ATP9A: variants seen among roughly 807,000 people sequenced by gnomAD.
ATP9A encodes the protein probable phospholipid-transporting ATPase IIA.
Under a neutral mutation model 144.1 loss-of-function variants are expected in ATP9A, and 52 were observed. The ratio of observed to expected loss-of-function variants is 0.36; its 90% confidence interval spans 0.29 to 0.45. ATP9A has a LOEUF of 0.45. ATP9A is among the 20% of genes least tolerant of loss of function. The probability of loss-of-function intolerance (pLI) is 1.00; values close to 1 mark genes in which losing one functional copy is unlikely to be tolerated. For missense variants in ATP9A, 947 were observed against 1,392.7 expected (o/e 0.68, Z 5.09); for synonymous variants, 582 against 557.4 (o/e 1.04, Z -0.62).
chr20:51,730,587 T>C (rs1021916826), intron 1 of ATP9A, among the ~76,000 whole-genome samples: 2 of 152,242 alleles, frequency 1.3e-5, no homozygotes, highest in Non-Finnish European at 1.5e-5. Flanking sequence ...ATTTCGGCAC[T>C]GTGGGAACAT....
At chr20:51,640,981 T>C (rs1264946647) in intron 14 of ATP9A, among the ~76,000 whole-genome samples, 1 of 151,944 alleles carries the variant, frequency 6.6e-6, no homozygotes, top group Non-Finnish European at 1.5e-5. Context: ...TCCCAGCACT[T>C]GGGGAGGTTG....
At chr20:51,741,163 T>C (rs180837669) in intron 1 of ATP9A, among the ~76,000 whole-genome samples, 16 of 152,200 alleles carry the variant, frequency 1.1e-4, no homozygotes, top group African/African-American at 3.9e-4. Flanking sequence ...ACACAGAACA[T>C]TCCATCATGG....
chr20:51,620,821 G>T (rs567863115), intron 19 of ATP9A, among the ~76,000 whole-genome samples: 1 of 152,154 alleles, frequency 6.6e-6, no homozygotes, highest in South Asian at 2.1e-4. Context: ...TTCAGCCTCA[G>T]GTGGGAATGT....
chr20:51,627,731 A>G (rs772248972), intron 16 of ATP9A, 48 bp from the exon 17 acceptor site: 2 of 1,499,178 alleles, frequency 1.3e-6, no homozygotes, highest in African/African-American at 2.8e-5. Context: ...AGAGCTCCTG[A>G]CCTCACTGGG....
Position 51,672,844 on chromosome 20 carries a change from C to T in ATP9A, c.1037+1309G>A, listed in dbSNP as rs145426266. 1.3e-3 allele frequency among the ~76,000 whole-genome samples: 192 copies of T among 151,500 alleles called. 2 individuals are homozygous for T. The East Asian group carries it at 0.03, about 23-fold the overall frequency. ...CAGCTCTAAAAAATGATGGGACACA[C>T]ATACAAGTGATGTGAAAAGTTATTC... On this transcript the variant is annotated intron_variant, in intron 11 of 27. Transcript: ENST00000338821.
chr20:51,635,752 A>AG (rs1419285703), intron 15 of ATP9A, among the ~76,000 whole-genome samples: 3 of 140,566 alleles, frequency 2.1e-5, no homozygotes, highest in African/African-American at 7.8e-5. Flanking sequence ...GAAGGAAGGA[A>AG]AAAGAGAAGA....
At chr20:51,706,828 A>AT (rs745757251) in intron 4 of ATP9A, among the ~76,000 whole-genome samples, 29 of 152,254 alleles carry the variant, frequency 1.9e-4, no homozygotes, top group Middle Eastern at 6.8e-3. Context: ...GCCTTTCTTC[A>AT]TTTTTTCTCC....
chr20:51,601,383 G>C lies in ATP9A; in HGVS notation c.3008-36C>G, dbSNP rs763374320. ...AGGGGAAGACGGCAGTGAGCAGGCAGGAATATTCCGGAAGGTGCATGGGGT... is the reference window on the plus strand; with the variant it reads ...AGGGGAAGACGGCAGTGAGCAGGCACGAATATTCCGGAAGGTGCATGGGGT... On this transcript the variant is annotated intron_variant, in intron 27 of 27. Coordinates refer to ENST00000338821, the MANE Select transcript of ATP9A (RefSeq NM_006045.3). The C allele has an allele frequency of 2.6e-6, 4 of 1,567,528 alleles. No homozygotes were observed. The South Asian group carries it at 4.9e-5, about 19-fold the overall frequency.
chr20:51,612,987 T>C (rs1055105320), intron 23 of ATP9A, among the ~76,000 whole-genome samples: 2 of 152,088 alleles, frequency 1.3e-5, no homozygotes, highest in African/African-American at 4.8e-5. Context: ...ATCAAGAAGG[T>C]ACTCAGATTG....
intron 1 of ATP9A, among the ~76,000 whole-genome samples, chr20:51,745,532 G>C (rs1225014485): frequency 6.6e-6 from 1 of 152,168 alleles, no homozygotes; most frequent in Admixed American, 6.5e-5. Context: ...ATTTGGCAAT[G>C]TCTAGGGATG....
At chr20:51,698,244 C>T (rs2077578730) in intron 4 of ATP9A, among the ~76,000 whole-genome samples, 2 of 152,176 alleles carry the variant, frequency 1.3e-5, no homozygotes, top group African/African-American at 4.8e-5. Flanking sequence ...CATGACTGGG[C>T]CAGGCACAGT....
Position 51,625,293 on chromosome 20 carries a change from G to C in ATP9A, c.1915C>G (p.Leu639Val), listed in dbSNP as rs567270008. The C allele has an allele frequency of 3.5e-5, 57 of 1,614,218 alleles. 1 individual carries two copies. In the South Asian group the frequency reaches 6.0e-4, roughly 17 times the overall value. Residue 639 changes from leucine to valine, a missense_variant, in exon 18 of 28, where the codon CTG becomes GTG. Physicochemically the swap from Leu to Val is conservative, Grantham distance 32. Around this residue, in one of 2 missense-constraint regions of ATP9A, gnomAD observed 770 missense variants for 1,047.9 expected, o/e 0.73. Transcript: ENST00000338821. ...CACAGCAGTTCCATCTCCATCTCCA[G>C]GCTCTCGATCACCGTGGCCACTTTG... ...SLKVATVIES[L>V]EMEMELLCLT... is the part of the protein sequence containing the mutation.
chr20:51,747,535 AATTT>A (rs905728738), intron 1 of ATP9A, among the ~76,000 whole-genome samples: 6 of 152,164 alleles, frequency 3.9e-5, no homozygotes, highest in Non-Finnish European at 7.4e-5. Flanking sequence ...AGAAACATGT[AATTT>A]ATTATTTTGT....
intron 15 of ATP9A, among the ~76,000 whole-genome samples, chr20:51,631,378 A>G (rs1257334798): frequency 6.6e-6 from 1 of 152,162 alleles, no homozygotes; most frequent in Non-Finnish European, 1.5e-5. Context: ...GGGTCTGCAC[A>G]TTAAAGAATC....
At chr20:51,765,905 C>G (rs916206653) in intron 1 of ATP9A, among the ~76,000 whole-genome samples, 14 of 151,788 alleles carry the variant, frequency 9.2e-5, no homozygotes, top group African/African-American at 3.4e-4. Context: ...TGCAGTGGGC[C>G]AAGACCAAGG....
At position 51,619,123 on chromosome 20, in the gene ATP9A, A is replaced by T. The variant is rs191227083; in HGVS notation, c.2116-80T>A. 4.6e-4 allele frequency: 596 copies of T among 1,296,320 alleles called. 3 individuals carry two copies. In the African/African-American group the frequency reaches 7.4e-3, roughly 16 times the overall value. The allele number at this position is 1,296,320 out of a possible 1,614,324, so 80.3% of individuals were successfully genotyped here. A position where few individuals can be genotyped will look rare whatever the true frequency, so the allele number is the denominator to read the frequency against. ...AACAAACAGTGGCTTCCAGGAGCCCACATGAAGACAACGGCCACCCCAGCC... is the reference window on the plus strand; with the variant it reads ...AACAAACAGTGGCTTCCAGGAGCCCTCATGAAGACAACGGCCACCCCAGCC... On this transcript the variant is annotated intron_variant, in intron 19 of 27. Transcript: ENST00000338821.
At chr20:51,694,887 G>C (rs754571517) in intron 6 of ATP9A, among the ~76,000 whole-genome samples, 1 of 152,118 alleles carries the variant, frequency 6.6e-6, no homozygotes, top group Non-Finnish European at 1.5e-5. Context: ...AAGAAAAAAA[G>C]AGCATGTCAG....
At chr20:51,667,499 G>A (rs767773336) in intron 13 of ATP9A, among the ~76,000 whole-genome samples, 28 of 152,196 alleles carry the variant, frequency 1.8e-4, no homozygotes, top group African/African-American at 5.5e-4. Flanking sequence ...TGGTGGCTCC[G>A]AGGGAAGGGT....
At chr20:51,630,260 C>T (rs1047000798) in intron 15 of ATP9A, among the ~76,000 whole-genome samples, 10 of 152,214 alleles carry the variant, frequency 6.6e-5, no homozygotes, top group African/African-American at 1.9e-4. Context: ...CCCAATGATT[C>T]GCGTCACTGG....
Sources: allele counts gnomAD v4.1 joint callset (sites outside exome capture counted in the v4.1 genomes callset), GRCh38; gene constraint gnomAD v4.1.1; regional missense constraint gnomAD v4.1.1; transcripts MANE v1.5; gene names NCBI Gene and HGNC (gene_info 2026-07-23, HGNC 2026-07-21).